PTPRD: variants seen among roughly 807,000 people sequenced by gnomAD.
The protein encoded by PTPRD is protein tyrosine phosphatase receptor type D, also known as receptor-type tyrosine-protein phosphatase delta.
Under a neutral mutation model 214.5 loss-of-function variants are expected in PTPRD, and 34 were observed. The observed-to-expected ratio is 0.16, with a 90% CI of 0.12 to 0.21. PTPRD has a LOEUF of 0.21. PTPRD is among the 10% of genes least tolerant of loss of function. The probability of loss-of-function intolerance (pLI) is 1.00; values close to 1 mark genes in which losing one functional copy is unlikely to be tolerated. For missense variants in PTPRD, 2,545 were observed against 2,398.7 expected (o/e 1.06, Z -1.27); for synonymous variants, 1,128 against 845.7 (o/e 1.33, Z -5.79).
At chr9:10,548,273 A>C (rs1394761613) in intron 2 of PTPRD, among the ~76,000 whole-genome samples, 5 of 152,264 alleles carry the variant, frequency 3.3e-5, no homozygotes, top group Middle Eastern at 3.4e-3. Flanking sequence ...TTTACTCTCT[A>C]TATATAAGTT....
chr9:10,472,753 A>G (rs1002076714), intron 2 of PTPRD, among the ~76,000 whole-genome samples: 1 of 152,070 alleles, frequency 6.6e-6, no homozygotes, highest in Non-Finnish European at 1.5e-5. Context: ...GAATACTTAT[A>G]ACATCCTAGA....
intron 2 of PTPRD, among the ~76,000 whole-genome samples, chr9:10,538,618 CCCCTCTCATCTCCCTTGCATTTTGTTA>C: frequency 6.6e-6 from 1 of 152,044 alleles, no homozygotes; most frequent in Admixed American, 6.6e-5. Context: ...CACTGATTCT[CCCCTCTCATCTCCCTTGCATTTTGTTA>C]AGTTCTCCCA....
chr9:10,458,571 A>G (rs1413511973), intron 2 of PTPRD, among the ~76,000 whole-genome samples: 1 of 152,194 alleles, frequency 6.6e-6, no homozygotes, highest in African/African-American at 2.4e-5. Context: ...TTGTTTAAAA[A>G]GCACAGCTAA....
chr9:8,472,911 T>C (rs185554387), intron 30 of PTPRD, among the ~76,000 whole-genome samples: 4 of 152,234 alleles, frequency 2.6e-5, no homozygotes, highest in South Asian at 2.1e-4. Context: ...GAATCTGTTA[T>C]ATATTCTGAA....
At chr9:9,251,137 G>A (rs1489210685) in intron 9 of PTPRD, among the ~76,000 whole-genome samples, 3 of 151,960 alleles carry the variant, frequency 2.0e-5, no homozygotes, top group Admixed American at 6.6e-5. Flanking sequence ...AAGGTTGGGG[G>A]CTATCAGAGA....
chr9:10,079,372 C>A (rs987067484), intron 3 of PTPRD, among the ~76,000 whole-genome samples: 7 of 152,034 alleles, frequency 4.6e-5, no homozygotes, highest in African/African-American at 1.7e-4. Context: ...GCTTTTTAAA[C>A]TAAAATATGT....
chr9:10,454,925 A>G (rs2098895922), intron 2 of PTPRD, among the ~76,000 whole-genome samples: 1 of 151,838 alleles, frequency 6.6e-6, no homozygotes, highest in Non-Finnish European at 1.5e-5. Context: ...AAAAAAGTTC[A>G]AAACCTCAGT....
intron 8 of PTPRD, among the ~76,000 whole-genome samples, chr9:9,442,635 G>C (rs1325553636): frequency 6.6e-6 from 1 of 152,168 alleles, no homozygotes; most frequent in African/African-American, 2.4e-5. Context: ...ATTTATCTGT[G>C]CATGTGAGTT....
At chr9:9,042,053 G>C (rs992267390) in intron 10 of PTPRD, among the ~76,000 whole-genome samples, 5 of 152,124 alleles carry the variant, frequency 3.3e-5, no homozygotes, top group African/African-American at 9.7e-5. Context: ...TCCTTTAACT[G>C]AACTATGCAT....
At chr9:10,296,298 C>T (rs1274370574) in intron 3 of PTPRD, among the ~76,000 whole-genome samples, 4 of 151,936 alleles carry the variant, frequency 2.6e-5, no homozygotes, top group African/African-American at 9.7e-5. Flanking sequence ...GAAATTGACC[C>T]TTCTGGTATC....
At chr9:8,494,257 C>T (rs943519108) in intron 26 of PTPRD, among the ~76,000 whole-genome samples, 10 of 152,032 alleles carry the variant, frequency 6.6e-5, no homozygotes, top group Admixed American at 3.9e-4. Context: ...CCAAATATGA[C>T]AGTTTCTGGG....
At chr9:8,682,022 T>G (rs1359697756) in intron 12 of PTPRD, among the ~76,000 whole-genome samples, 2 of 152,120 alleles carry the variant, frequency 1.3e-5, no homozygotes, top group Non-Finnish European at 2.9e-5. Flanking sequence ...TTTTAAACCC[T>G]TAAATATGAA....
chr9:9,031,637 C>A (rs544706449), intron 10 of PTPRD, among the ~76,000 whole-genome samples: 12 of 152,110 alleles, frequency 7.9e-5, no homozygotes, highest in African/African-American at 2.9e-4. Flanking sequence ...CCATCAGTGA[C>A]TGGAATGTTG....
intron 11 of PTPRD, among the ~76,000 whole-genome samples, chr9:8,752,749 C>T (rs1312376708): frequency 6.6e-6 from 1 of 152,052 alleles, no homozygotes; most frequent in Non-Finnish European, 1.5e-5. Context: ...GAAGACCTGA[C>T]AGCTGGTTGC....
At chr9:9,604,075 T>C (rs1008607067) in intron 7 of PTPRD, among the ~76,000 whole-genome samples, 18 of 152,198 alleles carry the variant, frequency 1.2e-4, no homozygotes, top group Admixed American at 5.9e-4. Context: ...AATTTTGCTT[T>C]TATTACTAAA....
intron 39 of PTPRD, among the ~76,000 whole-genome samples, chr9:8,351,745 A>C (rs1365201401): frequency 5.5e-5 from 2 of 36,146 alleles, no homozygotes; most frequent in East Asian, 8.8e-4. Context: ...CAAAGAGTAA[A>C]AAAAAAAAAA....
At chr9:9,067,508 C>G (rs1041001362) in intron 10 of PTPRD, among the ~76,000 whole-genome samples, 1 of 152,178 alleles carries the variant, frequency 6.6e-6, no homozygotes, top group African/African-American at 2.4e-5. Flanking sequence ...ACCTCTTCCT[C>G]TCAAGCTTTT....
chr9:10,095,504 C>T (rs542930891), intron 3 of PTPRD, among the ~76,000 whole-genome samples: 1 of 151,644 alleles, frequency 6.6e-6, no homozygotes, highest in African/African-American at 2.4e-5. Flanking sequence ...TCTGATTACT[C>T]ATAATCAACA....
At chr9:8,696,242 T>G (rs1189498633) in intron 12 of PTPRD, among the ~76,000 whole-genome samples, 2 of 152,106 alleles carry the variant, frequency 1.3e-5, no homozygotes, top group Non-Finnish European at 2.9e-5. Flanking sequence ...CATTCTTGCT[T>G]TCCAACAGAT....
Sources: gnomAD v4.1 joint callset for allele counts (sites outside exome capture counted in the v4.1 genomes callset) on GRCh38, gnomAD v4.1.1 for gene constraint, MANE v1.5 for transcripts, NCBI Gene and HGNC (gene_info 2026-07-23, HGNC 2026-07-21) for gene names.